MZT2A: variants seen among roughly 807,000 people sequenced by gnomAD.
MZT2A encodes mitotic-spindle organizing protein 2A.
Under a neutral mutation model 12.4 loss-of-function variants are expected in MZT2A, and 8 were observed. That is an observed-to-expected ratio of 0.64 (90% CI 0.38 to 1.16). MZT2A has a LOEUF of 1.16. Among genes scored for constraint, MZT2A ranks in the 50% most tolerant of loss-of-function variants. MZT2A has a pLI of 0.01. For synonymous variants in MZT2A, 88 were observed against 107.5 expected (o/e 0.82, Z 1.12); for missense variants, 181 against 223.6 (o/e 0.81, Z 1.22).
chr2:131,478,563 G>C (rs576054152), intron 2 of MZT2A, among the ~76,000 whole-genome samples: 154 of 152,370 alleles, frequency 1.0e-3, no homozygotes, highest in South Asian at 4.1e-3. Context: ...GTGAGACTCG[G>C]CTCCTAATTT....
At chr2:131,492,111 C>A (rs1679343360) in intron 1 of MZT2A, 87 bp from the exon 2 acceptor site, 1 of 1,553,558 alleles carries the variant, frequency 6.4e-7, no homozygotes, top group Admixed American at 1.9e-5. Flanking sequence ...GGGGCGGGGG[C>A]AGCGGGGGCT....
At chr2:131,473,965 A>G (rs1281823742) in intron 2 of MZT2A, among the ~76,000 whole-genome samples, 9 of 148,426 alleles carry the variant, frequency 6.1e-5, no homozygotes, top group Admixed American at 2.0e-4. Flanking sequence ...TATGGACTTC[A>G]GTCACACGCC....
At chr2:131,486,767 A>C (rs1416326864) in intron 2 of MZT2A, among the ~76,000 whole-genome samples, 1 of 152,110 alleles carries the variant, frequency 6.6e-6, no homozygotes, top group Non-Finnish European at 1.5e-5. Context: ...TGGGACTACA[A>C]GCATGGGGCC....
intron 2 of MZT2A, chr2:131,490,860 G>A: frequency 1.3e-6 from 2 of 1,550,064 alleles, no homozygotes; most frequent in Admixed American, 2.0e-5. Flanking sequence ...CTTGCAGGGG[G>A]GCTACTGTTC....
chr2:131,493,397 C>T (rs1397249960), upstream of MZT2A, among the ~76,000 whole-genome samples: 2 of 152,304 alleles, frequency 1.3e-5, no homozygotes, highest in South Asian at 2.1e-4. Context: ...TGAAGGTTAC[C>T]CGTCGTTGAA....
intron 2 of MZT2A, among the ~76,000 whole-genome samples, chr2:131,473,514 A>T (rs1678536595): frequency 6.6e-6 from 1 of 151,296 alleles, no homozygotes; most frequent in African/African-American, 2.5e-5. Context: ...CCATGGTGGG[A>T]TGCTGCATCC....
intron 2 of MZT2A, among the ~76,000 whole-genome samples, chr2:131,485,160 G>C (rs1327735476): frequency 1.3e-5 from 2 of 152,122 alleles, no homozygotes; most frequent in Non-Finnish European, 2.9e-5. Context: ...TCTGACCCGT[G>C]GGCTCTAAAC....
intron 2 of MZT2A, chr2:131,490,974 T>A: frequency 6.5e-7 from 1 of 1,548,174 alleles, no homozygotes; most frequent in Non-Finnish European, 8.7e-7. Context: ...CCGGGCCCTC[T>A]TGGGTCAGCG....
At chr2:131,480,883 C>G (rs1035826072), downstream of MZT2A, 1 of 1,291,328 alleles carries the variant, frequency 7.7e-7, no homozygotes, top group African/African-American at 1.5e-5. Context: ...ATTAGTGAAC[C>G]AGAGTTGATA....
downstream of MZT2A, among the ~76,000 whole-genome samples, chr2:131,482,291 A>G (rs970131816): frequency 1.2e-4 from 19 of 152,168 alleles, 1 homozygote; most frequent in South Asian, 1.0e-3. Flanking sequence ...CTGGGCACCT[A>G]TCACATGTCA....
chr2:131,492,502 G>T (rs890120308), upstream of MZT2A: 11 of 1,103,176 alleles, frequency 1.0e-5, no homozygotes, highest in Non-Finnish European at 1.2e-5. Context: ...GCGGGAGCGC[G>T]GGGACGGGGC....
exon 3 of MZT2A, chr2:131,472,080 C>T (rs1017836770): frequency 4.6e-6 from 6 of 1,290,362 alleles, no homozygotes; most frequent in Non-Finnish European, 6.1e-6. Context: ...TGTGCATGTC[C>T]TCCTTCTCCT....
chr2:131,480,708 C>T (rs144329611), downstream of MZT2A: 144 of 1,612,572 alleles, frequency 8.9e-5, no homozygotes, highest in Admixed American at 2.7e-4. Context: ...CAAGACCAAG[C>T]GCACCATCCA....
chr2:131,476,156 T>C, intron 2 of MZT2A: 1 of 1,613,152 alleles, frequency 6.2e-7, no homozygotes, highest in Middle Eastern at 1.8e-4. Context: ...TGGCAGCCGG[T>C]TGAGGTCTGG....
At chr2:131,492,859 C>A, upstream of MZT2A, 1 of 1,492,248 alleles carries the variant, frequency 6.7e-7, no homozygotes, top group South Asian at 1.2e-5. Context: ...GTGCGTGAGC[C>A]CTACCTTGGG....
Position 131,484,219 on chromosome 2 carries a change from C to G in MZT2A, c.320-1G>C, listed in dbSNP as rs373048571. On this transcript the variant is annotated splice_acceptor_variant, in intron 2 of 2. Transcript: ENST00000309451. LOFTEE classifies it high-confidence loss of function. ...AGGGCAGCGCTGCCTTTGTCTCTCC[C>G]TAAGGAGACACAAAGCACAATGATT... The G allele has an allele frequency of 6.2e-7, 1 of 1,613,368 alleles. No individual in the cohort carries two copies. The highest frequency in any genetic ancestry group is 8.5e-7 in the Non-Finnish European group (1 of 1,179,432).
chr2:131,484,577 C>G (rs561776378), intron 2 of MZT2A, among the ~76,000 whole-genome samples: 10 of 138,310 alleles, frequency 7.2e-5, no homozygotes, highest in Admixed American at 6.2e-4. Context: ...CTGCCCTGAT[C>G]GTGCCATCAG....
At chr2:131,475,962 CG>C in intron 2 of MZT2A, 3 of 744,830 alleles carry the variant, frequency 4.0e-6, no homozygotes, top group Non-Finnish European at 6.3e-6. Context: ...GCTGCCTTCC[CG>C]CCAATCCTAC....
At chr2:131,492,825 C>T, upstream of MZT2A, 1 of 1,454,470 alleles carries the variant, frequency 6.9e-7, no homozygotes, top group Non-Finnish European at 9.2e-7. Context: ...CTTACGCGCA[C>T]GCGCATTCCT....
Sources: gnomAD v4.1 joint callset for allele counts (sites outside exome capture counted in the v4.1 genomes callset) on GRCh38, gnomAD v4.1.1 for gene constraint, MANE v1.5 for transcripts, NCBI Gene and HGNC (gene_info 2026-07-23, HGNC 2026-07-21) for gene names.